PLAC1: variants seen among roughly 807,000 people sequenced by gnomAD.
PLAC1 encodes placenta-specific protein 1.
For missense variants in PLAC1, 136 were observed against 163.2 expected (o/e 0.83, Z 0.91); for synonymous variants, 68 against 62.1 (o/e 1.09, Z -0.44).
chrX:134,657,945 T>C (rs1470257180), intron 1 of PLAC1, among the ~76,000 whole-genome samples: 2 of 112,036 alleles, frequency 1.8e-5, no homozygotes, highest in Non-Finnish European at 3.8e-5. Context: ...GAATCCCACA[T>C]GAATCCCTAA....
At chrX:134,729,667 G>A (rs377056559) in intron 2 of PLAC1, among the ~76,000 whole-genome samples, 6 of 112,124 alleles carry the variant, frequency 5.4e-5, no homozygotes, top group African/African-American at 1.9e-4. Flanking sequence ...GCTGATGCCT[G>A]AAATTCCACT....
At chrX:134,619,500 A>G (rs142693339) in intron 1 of PLAC1, among the ~76,000 whole-genome samples, 2,322 of 109,978 alleles carry the variant, frequency 0.021, 24 homozygotes, top group Middle Eastern at 0.038. Context: ...AAAATACAAA[A>G]ATTAGCCAGG....
intron 1 of PLAC1, among the ~76,000 whole-genome samples, chrX:134,750,611 G>C (rs995942408): frequency 1.7e-4 from 17 of 102,849 alleles, no homozygotes; most frequent in African/African-American, 5.1e-4. Context: ...TCTCCTTATA[G>C]ACCTCTGCTG....
At chrX:134,603,179 T>C (rs1275724641) in intron 1 of PLAC1, among the ~76,000 whole-genome samples, 1 of 95,762 alleles carries the variant, frequency 1.0e-5, no homozygotes, top group East Asian at 3.3e-4. Flanking sequence ...ACAGAATCTG[T>C]TAAAAAATGG....
chrX:134,761,851 T>C (rs891103037), intron 1 of PLAC1, among the ~76,000 whole-genome samples: 7 of 112,364 alleles, frequency 6.2e-5, no homozygotes, highest in African/African-American at 1.9e-4. Context: ...TACTTGTGTA[T>C]ACTAAAAAAT....
At chrX:134,579,200 T>G (rs73564399) in intron 2 of PLAC1, among the ~76,000 whole-genome samples, 139 of 110,553 alleles carry the variant, frequency 1.3e-3, no homozygotes, top group African/African-American at 4.3e-3. Flanking sequence ...TCTTGATCCT[T>G]GCAGCTCTCC....
At chrX:134,737,232 G>A (rs759165424) in intron 1 of PLAC1, among the ~76,000 whole-genome samples, 3 of 112,374 alleles carry the variant, frequency 2.7e-5, no homozygotes, top group East Asian at 5.6e-4. Context: ...AACACTTGTC[G>A]TTGGAACACT....
At position 134,603,105 on chromosome X, in the gene PLAC1, T is replaced by C. The variant is rs936843969; in HGVS notation, c.-130-983A>G. Among the ~76,000 whole-genome samples, 3 of 101,727 alleles carry C rather than the reference T, an allele frequency of 2.9e-5. No individual in the cohort carries two copies. The East Asian group carries it at 9.2e-4, about 31-fold the overall frequency. The allele number at this position is 101,727 out of a possible 115,157, so 88.3% of individuals were successfully genotyped here. On this transcript the variant is annotated intron_variant, in intron 1 of 2. Transcript: ENST00000359237. ...GTTAATAGATAATGTCCAAAATGGA[T>C]AAATCAAGAATGGGAACAGAGTAAT... is the stretch of plus-strand genomic sequence containing the variant.
intron 2 of PLAC1, among the ~76,000 whole-genome samples, chrX:134,691,188 A>C (rs1408033022): frequency 3.9e-5 from 4 of 103,474 alleles, no homozygotes; most frequent in Non-Finnish European, 7.8e-5. Flanking sequence ...GCTGTGACTC[A>C]AATCTGATAC....
At chrX:134,691,833 C>T (rs1466545731) in intron 2 of PLAC1, among the ~76,000 whole-genome samples, 4 of 111,422 alleles carry the variant, frequency 3.6e-5, no homozygotes, top group African/African-American at 1.3e-4. Flanking sequence ...ACAGTTTCTT[C>T]TGGGAATTCA....
intron 2 of PLAC1, among the ~76,000 whole-genome samples, chrX:134,723,199 T>C (rs1433924858): frequency 9.0e-6 from 1 of 111,680 alleles, no homozygotes; most frequent in African/African-American, 3.3e-5. Flanking sequence ...TGCTTTATGG[T>C]AAAAATCAAG....
chrX:134,670,173 C>G (rs747310584), intron 2 of PLAC1, among the ~76,000 whole-genome samples: 4 of 110,411 alleles, frequency 3.6e-5, no homozygotes, highest in East Asian at 2.9e-4. Flanking sequence ...CCCAGCCCAG[C>G]CTTCTATGTT....
At chrX:134,671,542 A>G (rs1260313625) in intron 2 of PLAC1, among the ~76,000 whole-genome samples, 1 of 110,664 alleles carries the variant, frequency 9.0e-6, no homozygotes, top group Non-Finnish European at 1.9e-5. Flanking sequence ...ACGTACAGTC[A>G]TGGCGGAAGG....
At chrX:134,646,708 T>C (rs1175531959) in intron 1 of PLAC1, among the ~76,000 whole-genome samples, 1 of 112,311 alleles carries the variant, frequency 8.9e-6, no homozygotes, top group Admixed American at 9.4e-5. Flanking sequence ...TTAGAGAAGA[T>C]ATTTTTGTAA....
chrX:134,577,543 G>T (rs1473128859), intron 2 of PLAC1, among the ~76,000 whole-genome samples: 1 of 111,735 alleles, frequency 8.9e-6, no homozygotes, highest in Non-Finnish European at 1.9e-5. Context: ...GCAAAAATTA[G>T]CTGGGCGTGG....
At chrX:134,611,808 C>T (rs1310614639) in intron 1 of PLAC1, among the ~76,000 whole-genome samples, 1 of 110,862 alleles carries the variant, frequency 9.0e-6, no homozygotes, top group African/African-American at 3.3e-5. Flanking sequence ...TTTAGTGCAA[C>T]GAGCTGGTTG....
intron 2 of PLAC1, among the ~76,000 whole-genome samples, chrX:134,679,462 T>C (rs1257665913): frequency 5.4e-5 from 6 of 110,988 alleles, no homozygotes; most frequent in Non-Finnish European, 9.4e-5. Flanking sequence ...ACATTTACAG[T>C]GCTGCTCCTA....
intron 1 of PLAC1, among the ~76,000 whole-genome samples, chrX:134,616,469 T>C (rs1187291832): frequency 1.8e-5 from 2 of 110,255 alleles, no homozygotes; most frequent in African/African-American, 6.6e-5. Context: ...ACCCCATCTC[T>C]ACTAAAAATA....
intron 2 of PLAC1, among the ~76,000 whole-genome samples, chrX:134,686,983 C>T (rs1319557668): frequency 9.0e-6 from 1 of 111,463 alleles, no homozygotes; most frequent in Non-Finnish European, 1.9e-5. Flanking sequence ...GGGGTAAATG[C>T]AAATCATAAA....
Sources: gnomAD v4.1 joint callset for allele counts (sites outside exome capture counted in the v4.1 genomes callset) on GRCh38, gnomAD v4.1.1 for gene constraint, MANE v1.5 for transcripts, NCBI Gene and HGNC (gene_info 2026-07-23, HGNC 2026-07-21) for gene names.